The following WDR70 variants were observed in gnomAD, a reference collection of about 807,000 sequenced individuals.
The protein encoded by WDR70 is WD repeat-containing protein 70.
Under a neutral mutation model 88.6 loss-of-function variants are expected in WDR70, and 53 were observed. That is an observed-to-expected ratio of 0.60 (90% CI 0.48 to 0.75). The LOEUF is 0.75. WDR70 is among the 30% of genes least tolerant of loss of function. The pLI, the probability that WDR70 is intolerant of heterozygous loss-of-function variation, is 0.00. For synonymous variants in WDR70, 280 were observed against 270.0 expected (o/e 1.04, Z -0.36); for missense variants, 610 against 823.2 (o/e 0.74, Z 3.17).
At chr5:37,382,168 G>A (rs1475527530) in intron 3 of WDR70, among the ~76,000 whole-genome samples, 2 of 150,440 alleles carry the variant, frequency 1.3e-5, no homozygotes, top group East Asian at 2.0e-4. Context: ...GCATGATCTC[G>A]GCTCACTGCA....
chr5:37,426,166 T>C (rs750798618), intron 5 of WDR70, among the ~76,000 whole-genome samples: 17 of 152,032 alleles, frequency 1.1e-4, no homozygotes, highest in Non-Finnish European at 1.5e-4. Context: ...AGGTAGAAGG[T>C]AAATCAGGGT....
At chr5:37,702,673 T>G (rs2112661018) in intron 12 of WDR70, among the ~76,000 whole-genome samples, 1 of 152,340 alleles carries the variant, frequency 6.6e-6, no homozygotes, top group East Asian at 1.9e-4. Flanking sequence ...TTCTGGAGTC[T>G]GACTGCCTAA....
At chr5:37,539,165 T>C (rs1219476234) in intron 9 of WDR70, among the ~76,000 whole-genome samples, 1 of 152,220 alleles carries the variant, frequency 6.6e-6, no homozygotes, top group East Asian at 1.9e-4. Flanking sequence ...ATTGTCATAT[T>C]TACATCTTTG....
intron 17 of WDR70, among the ~76,000 whole-genome samples, chr5:37,743,939 C>G (rs955653973): frequency 6.6e-6 from 1 of 152,306 alleles, no homozygotes; most frequent in South Asian, 2.1e-4. Context: ...TTAAATGGGT[C>G]CTGCTCCCCA....
intron 10 of WDR70, among the ~76,000 whole-genome samples, chr5:37,625,239 G>A: frequency 6.6e-6 from 1 of 151,830 alleles, no homozygotes. Flanking sequence ...AGTTCCATTT[G>A]TAGTTTTTTG....
At chr5:37,551,250 A>G (rs763246712) in intron 9 of WDR70, among the ~76,000 whole-genome samples, 6 of 151,772 alleles carry the variant, frequency 4.0e-5, no homozygotes, top group Non-Finnish European at 5.9e-5. Flanking sequence ...GGTTGCGGTG[A>G]GCTGAGATTA....
intron 10 of WDR70, among the ~76,000 whole-genome samples, chr5:37,632,727 GTTAA>G (rs1250766208): frequency 6.6e-6 from 1 of 152,168 alleles, no homozygotes; most frequent in Non-Finnish European, 1.5e-5. Flanking sequence ...GTAAGCTACA[GTTAA>G]TTTATTATTG....
At position 37,605,106 on chromosome 5, in the gene WDR70, A is replaced by G; in HGVS notation, c.960A>G (p.Lys320=). 1 of 1,612,804 alleles carries G rather than the reference A, an allele frequency of 6.2e-7. No homozygotes were observed. Among genetic ancestry groups the G allele is most frequent in the Non-Finnish European group, 8.5e-7 (1 of 1,179,304 alleles). The change falls in exon 10 of 18, where the codon AAA becomes AAG. Residue 320 remains lysine, a synonymous_variant. Transcript: ENST00000265107. ...AAGTTGAAAATCCAAAGAAGCAAAA[A>G]AGTGTGTTTAAACCACGGACGATGC... is the stretch of plus-strand genomic sequence containing the variant. ...TWEVENPKKQ[K]SVFKPRTMQG...
At chr5:37,500,621 C>T (rs1397327289) in intron 8 of WDR70, among the ~76,000 whole-genome samples, 1 of 151,330 alleles carries the variant, frequency 6.6e-6, no homozygotes, top group Non-Finnish European at 1.5e-5. Context: ...TAATAATGGC[C>T]ATTCTGGCTG....
intron 5 of WDR70, among the ~76,000 whole-genome samples, chr5:37,424,214 C>A (rs1750049615): frequency 7.3e-6 from 1 of 136,256 alleles, no homozygotes; most frequent in Non-Finnish European, 1.6e-5. Context: ...TATATTGCTG[C>A]TTGTGTGTTT....
chr5:37,635,105 C>G (rs78814281), intron 10 of WDR70, among the ~76,000 whole-genome samples: 294 of 152,240 alleles, frequency 1.9e-3, no homozygotes, highest in African/African-American at 6.8e-3. Context: ...TGCCTTGACC[C>G]TGTGCCTCTT....
At chr5:37,560,544 C>G (rs1270585081) in intron 9 of WDR70, among the ~76,000 whole-genome samples, 1 of 152,132 alleles carries the variant, frequency 6.6e-6, no homozygotes, top group Non-Finnish European at 1.5e-5. Context: ...ATACACTTTG[C>G]TGACCAAACA....
At chr5:37,505,679 C>G in intron 8 of WDR70, 1 of 868,942 alleles carries the variant, frequency 1.2e-6, no homozygotes, top group Non-Finnish European at 2.0e-6. Context: ...CCTCTAGCCC[C>G]TAAAATTCTC....
intron 8 of WDR70, among the ~76,000 whole-genome samples, chr5:37,492,873 G>C (rs1740106713): frequency 6.6e-6 from 1 of 152,172 alleles, no homozygotes; most frequent in Non-Finnish European, 1.5e-5. Flanking sequence ...TGAAAGCATG[G>C]TATGGAGAAA....
At chr5:37,380,032 G>C (rs1748376112) in intron 2 of WDR70, among the ~76,000 whole-genome samples, 1 of 152,082 alleles carries the variant, frequency 6.6e-6, no homozygotes, top group African/African-American at 2.4e-5. Flanking sequence ...AATTAAGAAT[G>C]CCATTTTTAC....
At chr5:37,537,725 T>A (rs1011143721) in intron 9 of WDR70, among the ~76,000 whole-genome samples, 1 of 152,180 alleles carries the variant, frequency 6.6e-6, no homozygotes, top group African/African-American at 2.4e-5. Flanking sequence ...CTGATTATAC[T>A]TCATTGTGAT....
intron 10 of WDR70, among the ~76,000 whole-genome samples, chr5:37,688,824 G>A (rs1166701286): frequency 6.6e-6 from 1 of 150,572 alleles, no homozygotes; most frequent in African/African-American, 2.4e-5. Context: ...CATCTCATTG[G>A]GACTGGTTGG....
At chr5:37,500,233 C>A (rs1740365457) in intron 8 of WDR70, among the ~76,000 whole-genome samples, 2 of 152,180 alleles carry the variant, frequency 1.3e-5, no homozygotes, top group African/African-American at 4.8e-5. Flanking sequence ...ATAATGGTCT[C>A]CAGCTCCATC....
At chr5:37,526,760 A>C (rs1362084890) in intron 9 of WDR70, among the ~76,000 whole-genome samples, 1 of 152,166 alleles carries the variant, frequency 6.6e-6, no homozygotes, top group Non-Finnish European at 1.5e-5. Flanking sequence ...AAATCTCCTT[A>C]AGCTGATAAG....
Sources: gnomAD v4.1 joint callset for allele counts (sites outside exome capture counted in the v4.1 genomes callset) on GRCh38, gnomAD v4.1.1 for gene constraint, MANE v1.5 for transcripts, NCBI Gene and HGNC (gene_info 2026-07-23, HGNC 2026-07-21) for gene names.